Variants in ONECUT2 observed in about 807,000 individuals in gnomAD.
ONECUT2 encodes one cut domain family member 2.
ONECUT2 carries 10 observed loss-of-function variants against 27.9 expected under a neutral mutation model. The observed-to-expected ratio is 0.36, with a 90% CI of 0.22 to 0.61. The LOEUF is 0.61. ONECUT2 is among the 20% of genes least tolerant of loss of function. The pLI, the probability that ONECUT2 is intolerant of heterozygous loss-of-function variation, is 0.73. For synonymous variants in ONECUT2, 334 were observed against 315.1 expected (o/e 1.06, Z -0.64); for missense variants, 686 against 721.0 (o/e 0.95, Z 0.56).
intron 1 of ONECUT2, among the ~76,000 whole-genome samples, chr18:57,473,598 G>A (rs1454053186): frequency 6.6e-6 from 1 of 152,130 alleles, no homozygotes; most frequent in Non-Finnish European, 1.5e-5. Flanking sequence ...TAGAAATCAG[G>A]CAGACCCTTG....
At position 57,457,016 on chromosome 18, in the gene ONECUT2, G is replaced by T. The variant is rs981589066; in HGVS notation, c.1229-19421G>T. On this transcript the variant is annotated intron_variant, in intron 1 of 1. Coordinates refer to ENST00000491143, the MANE Select transcript of ONECUT2 (RefSeq NM_004852.3). ...GTTGGTGAGGGAAAAAACAACTACT[G>T]CCATGTTGCTTTCAGTTCTTTTGGA... Among the ~76,000 whole-genome samples the T allele has an allele frequency of 5.3e-5, 8 of 151,332 alleles. No individual in the cohort carries two copies. The East Asian group carries it at 1.6e-3, about 30-fold the overall frequency.
In ONECUT2 at chr18:57,436,634, G is replaced by A. The variant is rs1279054449; in HGVS notation, c.918G>A (p.Pro306=). The change falls in exon 1 of 2, where the codon CCG becomes CCA. Residue 306 remains proline (P), a synonymous_variant. Transcript: ENST00000491143. This position sits in a 1 kb window ranked among gnomAD's most constrained non-coding sequence, Gnocchi z 5.9. ...CGGGCCACACTCAGTCTCACGGGCCGGTGCTGGCACCCAGTCGCGAGCGGC... is the reference window on the plus strand; with the variant it reads ...CGGGCCACACTCAGTCTCACGGGCCAGTGCTGGCACCCAGTCGCGAGCGGC... ...HHPGHTQSHG[P]VLAPSRERPP... is the part of the protein sequence containing the mutation. 6.2e-7 allele frequency: 1 copy of A among 1,611,804 alleles called. No individual in the cohort carries two copies. Among genetic ancestry groups the A allele is most frequent in the African/African-American group, 1.3e-5 (1 of 75,062 alleles).
chr18:57,439,996 CA>C (rs1273191703), intron 1 of ONECUT2, among the ~76,000 whole-genome samples: 1 of 152,208 alleles, frequency 6.6e-6, no homozygotes, highest in Non-Finnish European at 1.5e-5. Flanking sequence ...CCTTCCTGCC[CA>C]GCCTGCCGGT....
chr18:57,466,514 C>T (rs575509814), intron 1 of ONECUT2, among the ~76,000 whole-genome samples: 49 of 152,370 alleles, frequency 3.2e-4, no homozygotes, highest in African/African-American at 1.1e-3. Context: ...CAACTCACGA[C>T]TTCCTGGATG....
In ONECUT2 at chr18:57,476,474, G is replaced by A. The variant is rs747872978; in HGVS notation, c.1266G>A (p.Arg422=). 9 of 1,614,094 alleles carry A rather than the reference G, an allele frequency of 5.6e-6. No homozygotes were observed. Among genetic ancestry groups the A allele is most frequent in the Non-Finnish European group, 6.8e-6 (8 of 1,180,042 alleles). Residue 422 remains arginine, a synonymous_variant, in exon 2 of 2, where the codon AGG becomes AGA. Coordinates refer to ENST00000491143, the MANE Select transcript of ONECUT2 (RefSeq NM_004852.3). ...KRKEQEPNKD[R]NNSQKKSRLV... is the part of the protein sequence containing the mutation. ...AAGAGCAAGAACCAAACAAAGACAG[G>A]AACAATTCCCAGAAGAAGTCCCGCC...
rs2050272435 is a variant in ONECUT2 at position 57,458,487 on chromosome 18, C to A, written c.1229-17950C>A. On this transcript the variant is annotated intron_variant, in intron 1 of 1. Coordinates refer to ENST00000491143, the MANE Select transcript of ONECUT2 (RefSeq NM_004852.3). The stretch of plus-strand genomic sequence containing the variant: ...ATAAGTGGCATCACACTGCATGCAT[C>A]ATTCCAAAGCTCCTTCTTTCCTTTG... Among the ~76,000 whole-genome samples the A allele has an allele frequency of 4.6e-5, 7 of 152,242 alleles. No homozygotes were observed. The South Asian group carries it at 1.4e-3, about 32-fold the overall frequency.
intron 1 of ONECUT2, among the ~76,000 whole-genome samples, chr18:57,463,976 C>T: frequency 6.7e-6 from 1 of 149,050 alleles, no homozygotes; most frequent in South Asian, 2.1e-4. Flanking sequence ...CTTGAGTTTT[C>T]TAGGTTACAA....
Position 57,483,120 on chromosome 18 carries a change from G to GAAAAAAAAAA in ONECUT2, c.*6401_*6410dup, listed in dbSNP as rs72219196. ...CCAAAGACCTGAAAAAGGACAAAAA[G>GAAAAAAAAAA]AAAAAAAAAAAAAGAAAAAACAAAG... On this transcript the variant is annotated 3_prime_UTR_variant, in exon 2 of 2. Coordinates refer to ENST00000491143, the MANE Select transcript of ONECUT2 (RefSeq NM_004852.3). 4 of 102,078 alleles carry GAAAAAAAAAA rather than the reference G, an allele frequency of 3.9e-5. No individual in the cohort carries two copies. The highest frequency in any genetic ancestry group is 1.0e-4 in the African/African-American group (3 of 29,106). The allele number at this position is 102,078 out of a possible 1,614,324, so 6.3% of individuals were successfully genotyped here.
intron 1 of ONECUT2, among the ~76,000 whole-genome samples, chr18:57,441,461 T>TC (rs1360118063): frequency 6.6e-6 from 1 of 152,152 alleles, no homozygotes; most frequent in Non-Finnish European, 1.5e-5. Flanking sequence ...CCGCCTTACT[T>TC]CCCCGAGGTT....
rs1331607960 is a variant in ONECUT2 at position 57,435,997 on chromosome 18, C to T, written c.281C>T (p.Ala94Val). The change falls in exon 1 of 2, where the codon GCG becomes GTG. Residue 94 changes from alanine to valine, a missense_variant. Around this residue, in one of 4 missense-constraint regions of ONECUT2, gnomAD observed 511 missense variants for 488.1 expected, o/e 1.05. Transcript: ENST00000491143. ...ACCGCGCACCAGGAGCTGGGCACGG[C>T]GGCAGCGGCGGCAGCGGCGGCGTCG... is the stretch of plus-strand genomic sequence containing the variant. ...PPTAHQELGT[A>V]AAAAAAASRS... The T allele has an allele frequency of 6.7e-7, 1 of 1,484,964 alleles. No individual in the cohort carries two copies. 92.0% of individuals were successfully genotyped at this position (1,484,964 alleles called of 1,614,324 possible).
chr18:57,475,731 T>C (rs771046370), intron 1 of ONECUT2, among the ~76,000 whole-genome samples: 3 of 152,200 alleles, frequency 2.0e-5, no homozygotes, highest in African/African-American at 7.2e-5. Context: ...ATTGTAACAT[T>C]GGGCTTCTTC....
At position 57,489,322 on chromosome 18, in the gene ONECUT2, A is replaced by G. The variant is rs186125808; in HGVS notation, c.*12599A>G. The G allele has an allele frequency of 6.6e-5, 10 of 152,274 alleles. No homozygotes were observed. In the East Asian group the frequency reaches 7.7e-4, roughly 12 times the overall value. 9.4% of individuals were successfully genotyped at this position (152,274 alleles called of 1,614,324 possible). A position where few individuals can be genotyped will look rare whatever the true frequency, so the allele number is the denominator to read the frequency against. ...CTAGGTTATATTTTAGCAATTCTCA[A>G]TTCTTTGATCTGGAAAAATACAAGA... is the stretch of plus-strand genomic sequence containing the variant. On this transcript the variant is annotated 3_prime_UTR_variant, in exon 2 of 2. Coordinates refer to ENST00000491143, the MANE Select transcript of ONECUT2 (RefSeq NM_004852.3).
rs2050458708 is a variant in ONECUT2, at chr18:57,490,276, C to T, written c.*13553C>T. The T allele has an allele frequency of 6.6e-6, 1 of 152,224 alleles. No individual in the cohort carries two copies. Among genetic ancestry groups the T allele is most frequent in the African/African-American group, 2.4e-5 (1 of 41,450 alleles). The allele number at this position is 152,224 out of a possible 1,614,324, so 9.4% of individuals were successfully genotyped here. A position where few individuals can be genotyped will look rare whatever the true frequency, so the allele number is the denominator to read the frequency against. ...GTGAAAACAAGTTCCAGTATCTTTT[C>T]TTCCATCCAGTTTTGTTCTCAGAAT... On this transcript the variant is annotated 3_prime_UTR_variant, in exon 2 of 2. Transcript: ENST00000491143.
In ONECUT2 at chr18:57,487,949, A is replaced by C. The variant is rs2050446172; in HGVS notation, c.*11226A>C. 1 of 152,238 alleles carries C rather than the reference A, an allele frequency of 6.6e-6. No individual in the cohort carries two copies. Among genetic ancestry groups the C allele is most frequent in the African/African-American group, 2.4e-5 (1 of 41,468 alleles). The allele number at this position is 152,238 out of a possible 1,614,324, so 9.4% of individuals were successfully genotyped here. On this transcript the variant is annotated 3_prime_UTR_variant, in exon 2 of 2. Coordinates refer to ENST00000491143, the MANE Select transcript of ONECUT2 (RefSeq NM_004852.3). ...AACCAAAATGCTTGACATAAAGCCA[A>C]ATCAACTGCCAAGCACACTTTATTT...
intron 1 of ONECUT2, among the ~76,000 whole-genome samples, chr18:57,450,098 C>T (rs539759683): frequency 4.6e-5 from 7 of 152,280 alleles, no homozygotes; most frequent in Admixed American, 1.3e-4. Flanking sequence ...CTATTCTCAA[C>T]GAGAGAATAG....
intron 1 of ONECUT2, among the ~76,000 whole-genome samples, chr18:57,440,166 G>A (rs1415785194): frequency 6.6e-6 from 1 of 152,272 alleles, no homozygotes; most frequent in Non-Finnish European, 1.5e-5. Flanking sequence ...CCGCCCGGTC[G>A]GGCCTTCGCA....
At chr18:57,471,456 C>A (rs1485342067) in intron 1 of ONECUT2, among the ~76,000 whole-genome samples, 1 of 152,198 alleles carries the variant, frequency 6.6e-6, no homozygotes, top group African/African-American at 2.4e-5. Flanking sequence ...TGGAAAGGCA[C>A]TTTGTTTGTC....
intron 1 of ONECUT2, among the ~76,000 whole-genome samples, chr18:57,442,023 G>A (rs1194999856): frequency 1.3e-5 from 2 of 149,094 alleles, no homozygotes; most frequent in African/African-American, 2.5e-5. Context: ...GGCCCATCGC[G>A]GGTAAGGAGG....
chr18:57,451,644 G>A (rs775869678), intron 1 of ONECUT2, among the ~76,000 whole-genome samples: 9 of 152,220 alleles, frequency 5.9e-5, no homozygotes, highest in Non-Finnish European at 8.8e-5. Flanking sequence ...TTAGATTCAG[G>A]CTTGCATAGG....
Sources: allele counts gnomAD v4.1 joint callset (sites outside exome capture counted in the v4.1 genomes callset), GRCh38; gene constraint gnomAD v4.1.1; regional missense constraint gnomAD v4.1.1; non-coding constraint Gnocchi (gnomAD v3.1); transcripts MANE v1.5; gene names NCBI Gene and HGNC (gene_info 2026-07-23, HGNC 2026-07-21).